The following AFAP1 variants were observed in gnomAD, a reference collection of about 807,000 sequenced individuals.
The protein encoded by AFAP1 is actin filament-associated protein 1.
AFAP1 carries 75 observed loss-of-function variants against 93.9 expected under a neutral mutation model. The ratio of observed to expected loss-of-function variants is 0.80; its 90% CI spans 0.66 to 0.97. The LOEUF is 0.97. AFAP1 is among the 50% of genes least tolerant of loss of function. The pLI is 0.00. For synonymous variants in AFAP1, 517 were observed against 430.7 expected, an observed-to-expected ratio of 1.20 and a Z score of -2.48; for missense variants, 1,201 against 1,050.8, an observed-to-expected ratio of 1.14 and a Z score of -1.98.
intron 9 of AFAP1, among the ~76,000 whole-genome samples, chr4:7,807,817 A>G (rs1396704440): frequency 1.3e-5 from 2 of 152,186 alleles, no homozygotes; most frequent in Non-Finnish European, 2.9e-5. Flanking sequence ...CCTCCCTTCA[A>G]GACAGTGCAC....
chr4:7,819,173 T>C lies in AFAP1; in HGVS notation c.727-2A>G, dbSNP rs762771077. 1.2e-6 allele frequency: 2 copies of C among 1,607,318 alleles called. No homozygotes were observed. The highest frequency in any genetic ancestry group is 1.7e-6 in the Non-Finnish European group (2 of 1,177,752). On this transcript the variant is annotated splice_acceptor_variant, in intron 6 of 17. Transcript: ENST00000420658. LOFTEE classifies it high-confidence loss of function. ...ACCACTGTAGGCTTCTTTGATCACCTATAAAAAGCACAGACACTTTGTGAG... is the reference window on the plus strand; with the variant it reads ...ACCACTGTAGGCTTCTTTGATCACCCATAAAAAGCACAGACACTTTGTGAG...
intron 6 of AFAP1, among the ~76,000 whole-genome samples, chr4:7,823,109 C>A (rs561787386): frequency 6.6e-6 from 1 of 152,076 alleles, no homozygotes; most frequent in East Asian, 1.9e-4. Context: ...TCTGTGTGGT[C>A]CATAAGGCAG....
intron 1 of AFAP1, among the ~76,000 whole-genome samples, chr4:7,890,666 G>A (rs1718418768): frequency 6.6e-6 from 1 of 152,090 alleles, no homozygotes; most frequent in Non-Finnish European, 1.5e-5. Context: ...GACATTTCAG[G>A]AATGGCCAAT....
At chr4:7,764,330 TAG>T (rs1329346183) in intron 17 of AFAP1, among the ~76,000 whole-genome samples, 1 of 151,876 alleles carries the variant, frequency 6.6e-6, no homozygotes, top group Non-Finnish European at 1.5e-5. Flanking sequence ...GGCGTGAGGC[TAG>T]GAGTTTGAGA....
chr4:7,804,027 G>A (rs1719278360), intron 9 of AFAP1, among the ~76,000 whole-genome samples: 1 of 152,184 alleles, frequency 6.6e-6, no homozygotes, highest in African/African-American at 2.4e-5. Context: ...AACATGAAGA[G>A]GCCACGAAGG....
intron 6 of AFAP1, among the ~76,000 whole-genome samples, chr4:7,830,522 A>T (rs1721794869): frequency 6.6e-6 from 1 of 152,224 alleles, no homozygotes; most frequent in Non-Finnish European, 1.5e-5. Flanking sequence ...GTTTGAAGCC[A>T]TTTACACAGA....
At chr4:7,907,547 C>G (rs1373202755) in intron 1 of AFAP1, among the ~76,000 whole-genome samples, 3 of 152,172 alleles carry the variant, frequency 2.0e-5, no homozygotes, top group Non-Finnish European at 4.4e-5. Context: ...GTCACCTAAC[C>G]TCTGGTCCAG....
At chr4:7,826,542 C>CCAAAAA (rs1321761843) in intron 6 of AFAP1, among the ~76,000 whole-genome samples, 29 of 152,324 alleles carry the variant, frequency 1.9e-4, no homozygotes, top group South Asian at 6.2e-4. Context: ...GGCCGGTAGG[C>CCAAAAA]CAAAAACAAA....
chr4:7,898,674 C>T, intron 1 of AFAP1, among the ~76,000 whole-genome samples: 1 of 129,446 alleles, frequency 7.7e-6, no homozygotes, highest in East Asian at 2.4e-4. Flanking sequence ...AAAAAAAAAA[C>T]ACTCTCTCCC....
In AFAP1 at chr4:7,886,163, G is replaced by A. The variant is rs998968742; in HGVS notation, c.-2-14083C>T. Among the ~76,000 whole-genome samples, 3 of 152,146 alleles carry A rather than the reference G, an allele frequency of 2.0e-5. 1 individual carries two copies. Among genetic ancestry groups the A allele is most frequent in the South Asian group, 4.1e-4 (2 of 4,826 alleles). On this transcript the variant is annotated intron_variant, in intron 1 of 17. Coordinates refer to ENST00000420658, the MANE Select transcript of AFAP1 (RefSeq NM_001134647.2). ...TCTTTTTGATGACCATTATTTGAAC[G>A]ACTGGATGATTTTGAATACAAGTCA...
intron 1 of AFAP1, among the ~76,000 whole-genome samples, chr4:7,921,137 T>A (rs1720419912): frequency 1.3e-5 from 2 of 150,932 alleles, no homozygotes; most frequent in Admixed American, 6.6e-5. Context: ...ACCTATCTAA[T>A]CTCTCTCAGC....
At chr4:7,935,498 T>C (rs544064035) in intron 1 of AFAP1, among the ~76,000 whole-genome samples, 38 of 145,842 alleles carry the variant, frequency 2.6e-4, no homozygotes, top group Admixed American at 8.0e-4. Context: ...AAACAGAAAA[T>C]AAAACAGCAG....
chr4:7,886,520 G>C (rs927739030), intron 1 of AFAP1, among the ~76,000 whole-genome samples: 1 of 152,182 alleles, frequency 6.6e-6, no homozygotes, highest in Non-Finnish European at 1.5e-5. Context: ...TAGGTCCTGG[G>C]AATGTTCCTT....
At chr4:7,779,501 T>C (rs564986419) in intron 13 of AFAP1, among the ~76,000 whole-genome samples, 2 of 152,354 alleles carry the variant, frequency 1.3e-5, no homozygotes, top group South Asian at 4.1e-4. Context: ...CAACACGTTT[T>C]GCATTTTGCT....
At chr4:7,800,371 C>T in intron 10 of AFAP1, 71 bp downstream of exon 10, 2 of 1,502,258 alleles carry the variant, frequency 1.3e-6, no homozygotes, top group Non-Finnish European at 1.8e-6. Context: ...GAGGAGTCAG[C>T]ATTCGCCTTT....
intron 10 of AFAP1, among the ~76,000 whole-genome samples, chr4:7,797,494 T>C (rs962092092): frequency 6.6e-6 from 1 of 152,218 alleles, no homozygotes; most frequent in Non-Finnish European, 1.5e-5. Context: ...GCTATAATTC[T>C]CTGCTGGATC....
chr4:7,835,378 T>C (rs1342064494), intron 6 of AFAP1, among the ~76,000 whole-genome samples: 7 of 71,614 alleles, frequency 9.8e-5, no homozygotes, highest in Admixed American at 2.7e-4. Context: ...CTGTGGGCTG[T>C]CTTGAGGTTA....
rs1716778529 is a variant in AFAP1, at chr4:7,781,583, C to T, written c.1575G>A (p.Leu525=). ...DGFPASCSRG[L]GEEVLYDNAG... ...CGTTATCATAAAGCACCTCTTCTCC[C>T]AAGCCTCTGCTGCAGGAAGCAGGAA... The change falls in exon 13 of 18, where the codon TTG becomes TTA. Residue 525 remains leucine, a synonymous_variant. Transcript: ENST00000420658. 1.3e-6 allele frequency: 2 copies of T among 1,551,704 alleles called. No individual in the cohort carries two copies. Among genetic ancestry groups the T allele is most frequent in the South Asian group, 1.2e-5 (1 of 84,068 alleles).
chr4:7,800,802 C>T (rs2149031127), intron 9 of AFAP1, 149 bp from the exon 10 acceptor site: 2 of 801,948 alleles, frequency 2.5e-6, no homozygotes, highest in African/African-American at 1.7e-5. Context: ...TGCAAATTCG[C>T]ATAAACTAGG....
Sources: gnomAD v4.1 joint callset for allele counts (sites outside exome capture counted in the v4.1 genomes callset) on GRCh38, gnomAD v4.1.1 for gene constraint, MANE v1.5 for transcripts, NCBI Gene and HGNC (gene_info 2026-07-23, HGNC 2026-07-21) for gene names.